The following FAM162A variants were observed in gnomAD, a reference collection of about 807,000 sequenced individuals.
FAM162A encodes the protein protein FAM162A.
Under a neutral mutation model 21.8 loss-of-function variants are expected in FAM162A, and 23 were observed. The ratio of observed to expected loss-of-function variants is 1.05; its 90% confidence interval spans 0.76 to 1.49. The LOEUF (loss-of-function observed/expected upper bound fraction) is 1.49. Ranked by LOEUF, FAM162A falls within the 40% of genes most tolerant of loss-of-function variation. FAM162A has a pLI of 0.00. For synonymous variants in FAM162A, 53 were observed against 61.3 expected, an observed-to-expected ratio of 0.86 and a Z score of 0.64; for missense variants, 165 against 186.4, an observed-to-expected ratio of 0.89 and a Z score of 0.67.
At chr3:122,407,171 A>T in intron 3 of FAM162A, 110 bp from the exon 4 acceptor site, 1 of 783,908 alleles carries the variant, frequency 1.3e-6, no homozygotes, top group Non-Finnish European at 2.0e-6. Flanking sequence ...CTCCCTATTT[A>T]TATTTATAGA....
Position 122,411,427 on chromosome 3 carries a change from T to A in FAM162A, c.*1596T>A, listed in dbSNP as rs2075704538. 1 of 152,234 alleles carries A rather than the reference T, an allele frequency of 6.6e-6. No homozygotes were observed. The highest frequency in any genetic ancestry group is 1.5e-5 in the Non-Finnish European group (1 of 68,044). 9.4% of individuals were successfully genotyped at this position (152,234 alleles called of 1,614,324 possible). A position where few individuals can be genotyped will look rare whatever the true frequency, so the allele number is the denominator to read the frequency against. ...GGGACACCTACACCAATGTTTTAAATGTGGATAAATTTTAATGTGGAATTT... is the reference window on the plus strand; with the variant it reads ...GGGACACCTACACCAATGTTTTAAAAGTGGATAAATTTTAATGTGGAATTT... On this transcript the variant is annotated 3_prime_UTR_variant, in exon 5 of 5. Coordinates refer to ENST00000477892, the MANE Select transcript of FAM162A (RefSeq NM_014367.4).
In FAM162A at chr3:122,410,125, C is replaced by T. The variant is rs892542027; in HGVS notation, c.*294C>T. On this transcript the variant is annotated 3_prime_UTR_variant, in exon 5 of 5. Coordinates refer to ENST00000477892, the MANE Select transcript of FAM162A (RefSeq NM_014367.4). ...GAAGCAGGTACCATATCTTACTTCT[C>T]TTCCCATTATCAAAGTAACCTCTCC... The T allele has an allele frequency of 2.6e-6, 1 of 388,156 alleles. No individual in the cohort carries two copies. The highest frequency in any genetic ancestry group is 2.1e-5 in the African/African-American group (1 of 47,902). The allele number at this position is 388,156 out of a possible 1,614,324, so 24.0% of individuals were successfully genotyped here.
At chr3:122,400,891 C>T (rs2075650116) in intron 1 of FAM162A, among the ~76,000 whole-genome samples, 1 of 151,752 alleles carries the variant, frequency 6.6e-6, no homozygotes. Context: ...GGGAGAAAGT[C>T]AATAGAGTCT....
chr3:122,398,280 T>G lies in FAM162A; in HGVS notation c.35-4480T>G, dbSNP rs542264151. Reference sequence around the variant, plus strand: ...CCCTAATGAAATGAATGGATCTAGGTAATAATCACCATTGTCTGCTAAAAA... The same window carrying G: ...CCCTAATGAAATGAATGGATCTAGGGAATAATCACCATTGTCTGCTAAAAA... On this transcript the variant is annotated intron_variant, in intron 1 of 4. Transcript: ENST00000477892. Among the ~76,000 whole-genome samples the G allele has an allele frequency of 3.9e-5, 6 of 152,134 alleles. No homozygotes were observed. The East Asian group carries it at 9.6e-4, about 24-fold the overall frequency.
intron 3 of FAM162A, 79 bp downstream of exon 3, chr3:122,404,442 C>T: frequency 1.5e-6 from 1 of 665,804 alleles, no homozygotes; most frequent in Non-Finnish European, 2.5e-6. Flanking sequence ...TGAGTTCCAA[C>T]TGTTTAAAAC....
chr3:122,407,687 C>A, intron 4 of FAM162A: 1 of 440,324 alleles, frequency 2.3e-6, no homozygotes, highest in Non-Finnish European at 4.0e-6. Context: ...AGAAATAGGA[C>A]ACTGGCATAT....
intron 1 of FAM162A, among the ~76,000 whole-genome samples, chr3:122,386,766 C>T (rs1299531921): frequency 2.0e-5 from 3 of 152,074 alleles, no homozygotes; most frequent in Admixed American, 6.6e-5. Flanking sequence ...CTTTTATGAG[C>T]TCGAATTTGT....
chr3:122,385,394 A>G (rs564782097), intron 1 of FAM162A, among the ~76,000 whole-genome samples: 4 of 152,150 alleles, frequency 2.6e-5, no homozygotes, highest in Non-Finnish European at 4.4e-5. Flanking sequence ...GATTTCATTG[A>G]TTTTGTCAGT....
At chr3:122,406,310 G>T (rs1163395772) in intron 3 of FAM162A, among the ~76,000 whole-genome samples, 3 of 152,172 alleles carry the variant, frequency 2.0e-5, no homozygotes, top group African/African-American at 7.2e-5. Flanking sequence ...CATGCCTATA[G>T]CCCCGGCTGC....
intron 1 of FAM162A, 34 bp downstream of exon 1, chr3:122,384,333 A>G: frequency 6.4e-7 from 1 of 1,563,700 alleles, no homozygotes; most frequent in Non-Finnish European, 8.7e-7. Flanking sequence ...GAGGTAGGGG[A>G]GCTGGCCCGG....
At chr3:122,406,440 C>T (rs1207076585) in intron 3 of FAM162A, among the ~76,000 whole-genome samples, 1 of 152,220 alleles carries the variant, frequency 6.6e-6, no homozygotes, top group Admixed American at 6.5e-5. Context: ...TGCCTACTTG[C>T]AAAATCACCA....
chr3:122,386,054 T>C (rs1482590762), intron 1 of FAM162A, among the ~76,000 whole-genome samples: 2 of 152,328 alleles, frequency 1.3e-5, no homozygotes, highest in East Asian at 3.9e-4. Context: ...TTTTGTGCTT[T>C]TTGCTGTTGT....
At position 122,391,315 on chromosome 3, in the gene FAM162A, C is replaced by T. The variant is rs188110279; in HGVS notation, c.34+7016C>T. Among the ~76,000 whole-genome samples the T allele has an allele frequency of 6.6e-3, 999 of 152,322 alleles. 14 individuals carry two copies. The highest frequency in any genetic ancestry group is 0.023 in the African/African-American group (944 of 41,574). On this transcript the variant is annotated intron_variant, in intron 1 of 4. Coordinates refer to ENST00000477892, the MANE Select transcript of FAM162A (RefSeq NM_014367.4). Reference sequence around the variant, plus strand: ...TCAAGCCACCCTTCTGCCTCAGCCTCCTGAGTAGCTGGGACCACAGGCACA... The same window carrying T: ...TCAAGCCACCCTTCTGCCTCAGCCTTCTGAGTAGCTGGGACCACAGGCACA...
In FAM162A at chr3:122,411,829, A is replaced by G. The variant is rs2107703212; in HGVS notation, c.*1998A>G. The G allele has an allele frequency of 6.6e-6, 1 of 152,360 alleles. No individual in the cohort carries two copies. Among genetic ancestry groups the G allele is most frequent in the East Asian group, 1.9e-4 (1 of 5,190 alleles). 9.4% of individuals were successfully genotyped at this position (152,360 alleles called of 1,614,324 possible). On this transcript the variant is annotated 3_prime_UTR_variant, in exon 5 of 5. Transcript: ENST00000477892. Reference sequence around the variant, plus strand: ...CTCGGCCTCCCAAAGTGCTGGGATTACAGGCATGAGCCATGGTGCCTGGCC... The same window carrying G: ...CTCGGCCTCCCAAAGTGCTGGGATTGCAGGCATGAGCCATGGTGCCTGGCC...
chr3:122,390,179 G>A (rs2075595647), intron 1 of FAM162A, among the ~76,000 whole-genome samples: 1 of 152,136 alleles, frequency 6.6e-6, no homozygotes, highest in South Asian at 2.1e-4. Context: ...AAAGATGGGG[G>A]AGATAACATT....
At chr3:122,396,524 T>C (rs1270122427) in intron 1 of FAM162A, among the ~76,000 whole-genome samples, 3 of 152,148 alleles carry the variant, frequency 2.0e-5, no homozygotes, top group Non-Finnish European at 4.4e-5. Context: ...AGAAATTGGA[T>C]CCCTCATATA....
intron 4 of FAM162A, among the ~76,000 whole-genome samples, chr3:122,408,631 T>A (rs2107701928): frequency 6.6e-6 from 1 of 152,302 alleles, no homozygotes; most frequent in East Asian, 1.9e-4. Context: ...CCACTTCATT[T>A]TTTCTTGTCT....
chr3:122,401,909 A>G (rs1056867949), intron 1 of FAM162A, among the ~76,000 whole-genome samples: 2 of 152,024 alleles, frequency 1.3e-5, no homozygotes, highest in African/African-American at 4.8e-5. Context: ...GTCTCATTCT[A>G]TAAGTTGTCT....
intron 3 of FAM162A, among the ~76,000 whole-genome samples, chr3:122,405,675 C>T (rs538498646): frequency 6.6e-6 from 1 of 152,322 alleles, no homozygotes; most frequent in South Asian, 2.1e-4. Flanking sequence ...AATACTACCT[C>T]ACGAATCACT....
Sources: allele counts gnomAD v4.1 joint callset (sites outside exome capture counted in the v4.1 genomes callset), GRCh38; gene constraint gnomAD v4.1.1; transcripts MANE v1.5; gene names NCBI Gene and HGNC (gene_info 2026-07-23, HGNC 2026-07-21).